The following ZKSCAN7 variants were observed in gnomAD, a reference collection of about 807,000 sequenced individuals.
The protein encoded by ZKSCAN7 is zinc finger protein with KRAB and SCAN domains 7.
Under a neutral mutation model 65.3 loss-of-function variants are expected in ZKSCAN7, and 38 were observed. The ratio of observed to expected loss-of-function variants is 0.58; its 90% CI spans 0.45 to 0.76. The LOEUF is 0.76. ZKSCAN7 is among the 30% of genes least tolerant of loss of function. ZKSCAN7 has a pLI of 0.00. For synonymous variants in ZKSCAN7, 321 were observed against 321.0 expected (o/e 1.00, Z 0.00); for missense variants, 815 against 913.3 (o/e 0.89, Z 1.39).
At chr3:44,569,875 A>G in intron 5 of ZKSCAN7, 47 bp from the exon 6 acceptor site, 1 of 1,491,066 alleles carries the variant, frequency 6.7e-7, no homozygotes, top group Non-Finnish European at 8.9e-7. Context: ...TCTTTCTTAA[A>G]CAGGATAAGA....
chr3:44,570,905 C>A lies in ZKSCAN7; in HGVS notation c.1795C>A (p.Arg599=), dbSNP rs1559429564. 6.2e-7 allele frequency: 1 copy of A among 1,614,062 alleles called. No homozygotes were observed. Among genetic ancestry groups the A allele is most frequent in the South Asian group, 1.1e-5 (1 of 91,070 alleles). ...NQNSQLIEHE[R]IHTGEKPFEC... is the part of the protein sequence containing the mutation. ...GAACTCTCAACTCATTGAGCATGAG[C>A]GAATTCATACTGGAGAAAAACCTTT... The change falls in exon 6 of 6, where the codon CGA becomes AGA. Residue 599 remains arginine (R), a synonymous_variant. Coordinates refer to ENST00000426540, the MANE Select transcript of ZKSCAN7 (RefSeq NM_001288590.2).
downstream of ZKSCAN7, among the ~76,000 whole-genome samples, chr3:44,572,722 C>T (rs551325743): frequency 1.0e-3 from 155 of 151,500 alleles, 5 homozygotes; most frequent in South Asian, 0.031. Context: ...TGGTGGGGGG[C>T]GCCTGTAGTC....
intron 1 of ZKSCAN7, 33 bp from the exon 2 acceptor site, chr3:44,556,897 C>T (rs932093078): frequency 9.4e-7 from 1 of 1,063,826 alleles, no homozygotes; most frequent in Non-Finnish European, 1.4e-6. Flanking sequence ...GCTGAATACT[C>T]CAAGAACTCT....
rs370308308 is a variant in ZKSCAN7 at position 44,570,170 on chromosome 3, T to C, written c.1060T>C (p.Tyr354His). 5.6e-6 allele frequency: 9 copies of C among 1,614,078 alleles called. No individual in the cohort carries two copies. Among genetic ancestry groups the C allele is most frequent in the African/African-American group, 1.3e-5 (1 of 74,936 alleles). ...EDKKKSTKDR[Y>H]DKYKEVGEHP... The stretch of plus-strand genomic sequence containing the variant: ...TAAGAAAAAATCCACAAAAGACAGA[T>C]ATGACAAATATAAGGAAGTTGGGGA... Residue 354 changes from tyrosine (Y) to histidine (H), a missense_variant, in exon 6 of 6, where the codon TAT (tyrosine) becomes CAT (histidine). Physicochemically the swap from Tyr to His is moderately conservative, Grantham distance 83. This residue lies in a region of ZKSCAN7 where 578 missense variants were observed against 629.5 expected (regional missense o/e 0.92). Coordinates refer to ENST00000426540, the MANE Select transcript of ZKSCAN7 (RefSeq NM_001288590.2).
intron 4 of ZKSCAN7, 119 bp from the exon 5 acceptor site, chr3:44,568,188 A>G: frequency 1.9e-6 from 3 of 1,544,406 alleles, no homozygotes; most frequent in Non-Finnish European, 2.6e-6. Context: ...GTGTCATCTC[A>G]GCTCCTCTCT....
At chr3:44,578,683 C>T (rs1480027387) in intron 5 of ZKSCAN7, among the ~76,000 whole-genome samples, 1 of 152,244 alleles carries the variant, frequency 6.6e-6, no homozygotes, top group Non-Finnish European at 1.5e-5. Context: ...CCAGCTCCCG[C>T]TCCATCTCCT....
intron 5 of ZKSCAN7, chr3:44,580,913 G>A (rs1700061648): frequency 1.2e-6 from 2 of 1,613,328 alleles, no homozygotes; most frequent in East Asian, 4.5e-5. Context: ...CCTGCGTCAG[G>A]TCCTCGTCGT....
chr3:44,568,073 C>G, intron 4 of ZKSCAN7, 70 bp downstream of exon 4: 1 of 1,088,300 alleles, frequency 9.2e-7, no homozygotes, highest in Admixed American at 2.5e-5. Context: ...GAGGTCTCAC[C>G]CCCAGGACTC....
Position 44,571,320 on chromosome 3 carries a change from A to G in ZKSCAN7, c.2210A>G (p.His737Arg). The change falls in exon 6 of 6, where the codon CAC becomes CGC. Residue 737 changes from histidine (H) to arginine (R), a missense_variant. Physicochemically the swap from His to Arg is conservative, Grantham distance 29. This residue lies in a region of ZKSCAN7 where 578 missense variants were observed against 629.5 expected (regional missense o/e 0.92). Coordinates refer to ENST00000426540, the MANE Select transcript of ZKSCAN7 (RefSeq NM_001288590.2). ...AGTCAGCGTTCCACTTTTAATCACC[A>G]CCAGCGAACTCACACTGGAGAGAAG... ...AFSQRSTFNH[H>R]QRTHTGEKSS... The G allele has an allele frequency of 6.2e-7, 1 of 1,614,244 alleles. No individual in the cohort carries two copies. The highest frequency in any genetic ancestry group is 1.1e-5 in the South Asian group (1 of 91,084).
chr3:44,579,545 T>C (rs1038700872), intron 5 of ZKSCAN7, among the ~76,000 whole-genome samples: 16 of 152,184 alleles, frequency 1.1e-4, no homozygotes, highest in African/African-American at 3.4e-4. Context: ...CTTGTTTTTT[T>C]CCTCTGGCAA....
intron 1 of ZKSCAN7, 88 bp downstream of exon 1, chr3:44,555,569 A>G (rs1224079876): frequency 6.6e-6 from 1 of 152,232 alleles, no homozygotes; most frequent in Non-Finnish European, 1.5e-5. Context: ...ATGAACTGTC[A>G]TATTTGGGTC....
At chr3:44,579,368 T>G (rs1700006824) in intron 5 of ZKSCAN7, among the ~76,000 whole-genome samples, 1 of 152,186 alleles carries the variant, frequency 6.6e-6, no homozygotes, top group Non-Finnish European at 1.5e-5. Flanking sequence ...CCGCTCCTGA[T>G]TCAGGGCCTG....
chr3:44,575,360 CTG>C (rs778817110), downstream of ZKSCAN7, among the ~76,000 whole-genome samples: 64 of 152,284 alleles, frequency 4.2e-4, no homozygotes, highest in Non-Finnish European at 4.4e-4. Flanking sequence ...CCTAGCTTTC[CTG>C]TGTCTCAGCT....
chr3:44,576,034 C>T (rs577782679), downstream of ZKSCAN7, among the ~76,000 whole-genome samples: 14 of 151,968 alleles, frequency 9.2e-5, no homozygotes, highest in South Asian at 2.1e-4. Flanking sequence ...CTAGAAATGA[C>T]GCATTCTGAT....
At chr3:44,561,570 G>T (rs918430182) in intron 2 of ZKSCAN7, among the ~76,000 whole-genome samples, 1 of 152,118 alleles carries the variant, frequency 6.6e-6, no homozygotes, top group Non-Finnish European at 1.5e-5. Flanking sequence ...TCTGAGACAG[G>T]GTAAGTCCCT....
intron 2 of ZKSCAN7, among the ~76,000 whole-genome samples, chr3:44,564,905 A>G (rs2125715872): frequency 6.6e-6 from 1 of 152,094 alleles, no homozygotes; most frequent in Non-Finnish European, 1.5e-5. Context: ...GGATCAAGTG[A>G]TTCTCCTGCC....
chr3:44,563,621 C>G (rs1404110938), intron 2 of ZKSCAN7, among the ~76,000 whole-genome samples: 1 of 148,102 alleles, frequency 6.8e-6, no homozygotes, highest in Admixed American at 6.9e-5. Context: ...CTCACTATTA[C>G]AAGAACAGCA....
chr3:44,572,021 T>C lies in ZKSCAN7; in HGVS notation c.*646T>C, dbSNP rs1699819650. 1.0e-6 allele frequency: 1 copy of C among 985,668 alleles called. No individual in the cohort carries two copies. The highest frequency in any genetic ancestry group is 1.7e-5 in the African/African-American group (1 of 57,246). 61.1% of individuals were successfully genotyped at this position (985,668 alleles called of 1,614,324 possible). On this transcript the variant is annotated 3_prime_UTR_variant, in exon 6 of 6. Coordinates refer to ENST00000426540, the MANE Select transcript of ZKSCAN7 (RefSeq NM_001288590.2). ...GCTACAATATGTAACTGTGGTTAAT[T>C]GCCTTGTAAATTTTGCGTGTCTGTA...
downstream of ZKSCAN7, among the ~76,000 whole-genome samples, chr3:44,576,233 C>T (rs986138678): frequency 4.6e-5 from 7 of 152,082 alleles, no homozygotes; most frequent in African/African-American, 1.4e-4. Context: ...GATTCTTTTC[C>T]TCTGTTCTGT....
Sources: gnomAD v4.1 joint callset for allele counts (sites outside exome capture counted in the v4.1 genomes callset) on GRCh38, gnomAD v4.1.1 for gene constraint, gnomAD v4.1.1 regional missense constraint, MANE v1.5 for transcripts, NCBI Gene and HGNC (gene_info 2026-07-23, HGNC 2026-07-21) for gene names.